The following KLRG1 variants were observed in gnomAD, a reference collection of about 807,000 sequenced individuals.
KLRG1 encodes the protein killer cell lectin-like receptor subfamily G member 1.
A neutral mutation model predicts 21.8 loss-of-function variants in KLRG1; 16 were observed. The observed-to-expected ratio is 0.73, with a 90% CI of 0.50 to 1.11. The LOEUF (loss-of-function observed/expected upper bound fraction) is 1.11, where lower values mean the gene tolerates loss of function less well. Ranked by LOEUF, KLRG1 falls within the 50% of genes most tolerant of loss-of-function variation. The pLI is 0.00. For synonymous variants in KLRG1, 69 were observed against 75.9 expected (o/e 0.91, Z 0.47); for missense variants, 173 against 218.3 (o/e 0.79, Z 1.31).
chr12:8,973,397 T>C lies in KLRG1; in HGVS notation c.-155-18809T>C, dbSNP rs563507375. Among the ~76,000 whole-genome samples the C allele has an allele frequency of 3.8e-4, 58 of 152,238 alleles. 1 individual carries two copies. In the South Asian group the frequency reaches 0.011, roughly 30 times the overall value. ...GCTTTGCCCTCATGAATGGAATTCATGACCTTATAAAAAGGCTGGAGGAAA... is the reference window on the plus strand; with the variant it reads ...GCTTTGCCCTCATGAATGGAATTCACGACCTTATAAAAAGGCTGGAGGAAA... On this transcript the variant is annotated intron_variant, in intron 1 of 4. Coordinates refer to the KLRG1 transcript ENST00000539240.
At chr12:9,129,398 A>T in the KLRG1 span, among the ~76,000 whole-genome samples, 1 of 152,024 alleles carries the variant, frequency 6.6e-6, no homozygotes, top group Non-Finnish European at 1.5e-5. Flanking sequence ...ATTTTTTCTA[A>T]TCTTTCTCTG....
the KLRG1 span, among the ~76,000 whole-genome samples, chr12:9,070,781 C>A: frequency 6.6e-6 from 1 of 151,992 alleles, no homozygotes; most frequent in African/African-American, 2.4e-5. Context: ...CTACTCTAGA[C>A]CTGATGAATC....
chr12:9,100,651 G>GA, the KLRG1 span, among the ~76,000 whole-genome samples: 20 of 152,130 alleles, frequency 1.3e-4, no homozygotes, highest in East Asian at 1.9e-4. Context: ...TAAAGGGTGA[G>GA]AAAAAAACCA....
the KLRG1 span, among the ~76,000 whole-genome samples, chr12:9,200,711 G>A: frequency 6.6e-6 from 1 of 152,170 alleles, no homozygotes; most frequent in Non-Finnish European, 1.5e-5. Flanking sequence ...AGCGTAATTT[G>A]CTACTGAAAA....
chr12:9,134,271 G>A, the KLRG1 span, among the ~76,000 whole-genome samples: 39 of 152,246 alleles, frequency 2.6e-4, no homozygotes, highest in Middle Eastern at 0.01. Flanking sequence ...GCTTGACTCC[G>A]GTCTCAAGAT....
chr12:9,101,017 G>A, the KLRG1 span: 1 of 810,398 alleles, frequency 1.2e-6, no homozygotes, highest in Non-Finnish European at 1.9e-6. Context: ...ATTCATTCAT[G>A]TGACCAAACA....
chr12:8,962,044 C>T (rs1946390411), intron 1 of KLRG1, among the ~76,000 whole-genome samples: 1 of 152,194 alleles, frequency 6.6e-6, no homozygotes, highest in Admixed American at 6.5e-5. Context: ...TGTGATCCTG[C>T]CACTGCACTC....
the KLRG1 span, chr12:9,192,733 T>C: frequency 6.2e-7 from 1 of 1,600,440 alleles, no homozygotes; most frequent in African/African-American, 1.3e-5. Context: ...GGATGCACAG[T>C]GAAAACCTGA....
the KLRG1 span, among the ~76,000 whole-genome samples, chr12:9,050,550 A>G: frequency 0.053 from 8,051 of 152,228 alleles, 700 homozygotes; most frequent in African/African-American, 0.18. Flanking sequence ...TGAAGCAGGC[A>G]GGAGCCCCGT....
the KLRG1 span, among the ~76,000 whole-genome samples, chr12:9,052,345 C>T: frequency 6.6e-6 from 1 of 152,156 alleles, no homozygotes; most frequent in African/African-American, 2.4e-5. Context: ...TTTCTCCTCC[C>T]TCAGCATAGT....
At chr12:9,152,431 G>T in the KLRG1 span, 1 of 734,094 alleles carries the variant, frequency 1.4e-6, no homozygotes. Flanking sequence ...ATTCTACAAA[G>T]GTCTGTGTTC....
chr12:8,989,826 T>C (rs1227297122), intron 1 of KLRG1, 109 bp downstream of exon 1: 4 of 670,352 alleles, frequency 6.0e-6, no homozygotes, highest in Non-Finnish European at 1.0e-5. Context: ...TTGAGGATAA[T>C]TTGAGGAAAT....
At chr12:8,965,346 G>T (rs1346235584) in intron 1 of KLRG1, among the ~76,000 whole-genome samples, 2 of 152,130 alleles carry the variant, frequency 1.3e-5, no homozygotes, top group African/African-American at 4.8e-5. Context: ...GGGCAATCAG[G>T]CAAGAGAAGG....
the KLRG1 span, among the ~76,000 whole-genome samples, chr12:9,060,637 CAAAA>C: frequency 6.6e-6 from 1 of 151,474 alleles, no homozygotes; most frequent in East Asian, 2.0e-4. Flanking sequence ...TCTCAAAAAA[CAAAA>C]AAACGAAAAC....
chr12:9,120,476 G>T, the KLRG1 span, among the ~76,000 whole-genome samples: 1 of 152,274 alleles, frequency 6.6e-6, no homozygotes, highest in African/African-American at 2.4e-5. Context: ...GGATTAGGAG[G>T]TAGGTGGGCC....
the KLRG1 span, among the ~76,000 whole-genome samples, chr12:9,181,723 T>C: frequency 7.6e-4 from 116 of 152,300 alleles, no homozygotes; most frequent in African/African-American, 2.7e-3. Flanking sequence ...GCATTTTACA[T>C]ACTCACACAA....
At chr12:9,192,287 T>C in the KLRG1 span, 338 of 1,600,952 alleles carry the variant, frequency 2.1e-4, 1 homozygote, top group African/African-American at 4.1e-3. Context: ...AGGAAATTTC[T>C]TGAGCTGGAC....
At chr12:9,116,861 A>G in the KLRG1 span, among the ~76,000 whole-genome samples, 10 of 152,196 alleles carry the variant, frequency 6.6e-5, no homozygotes, top group Admixed American at 5.2e-4. Context: ...ACTACTGTAT[A>G]AAATACAATA....
the KLRG1 span, chr12:9,200,867 CT>C: frequency 1.3e-6 from 2 of 1,591,848 alleles, no homozygotes; most frequent in Admixed American, 1.8e-5. Flanking sequence ...AATGTTATGC[CT>C]TTTTCATCTT....
Sources: gnomAD v4.1 joint callset for allele counts (sites outside exome capture counted in the v4.1 genomes callset) on GRCh38, gnomAD v4.1.1 for gene constraint, MANE v1.5 for transcripts, NCBI Gene and HGNC (gene_info 2026-07-23, HGNC 2026-07-21) for gene names.